The following AHCTF1 variants were observed in gnomAD, a reference collection of about 807,000 sequenced individuals.
The protein encoded by AHCTF1 is protein ELYS.
Under a neutral mutation model 248.4 loss-of-function variants are expected in AHCTF1, and 24 were observed. The ratio of observed to expected loss-of-function variants is 0.10; its 90% CI spans 0.07 to 0.14. AHCTF1 has a LOEUF of 0.14. AHCTF1 is among the 10% of genes least tolerant of loss of function. The probability of loss-of-function intolerance (pLI) is 1.00; values close to 1 mark genes in which losing one functional copy is unlikely to be tolerated. For missense variants in AHCTF1, 2,206 were observed against 2,636.2 expected (o/e 0.84, Z 3.57); for synonymous variants, 786 against 929.8 (o/e 0.85, Z 2.81).
chr1:246,844,040 A>C, intron 33 of AHCTF1, 112 bp from the exon 34 acceptor site: 1 of 703,848 alleles, frequency 1.4e-6, no homozygotes. Context: ...AAACGTCCCC[A>C]AACCTGGAAA....
intron 20 of AHCTF1, 146 bp from the exon 21 acceptor site, chr1:246,885,826 T>A: frequency 1.4e-6 from 1 of 722,834 alleles, no homozygotes; most frequent in Non-Finnish European, 2.2e-6. Context: ...CTGTGCTATA[T>A]AGAGTTGGCT....
At position 246,850,589 on chromosome 1, in the gene AHCTF1, G is replaced by A. The variant is rs772892565; in HGVS notation, c.5417C>T (p.Ser1806Phe). Reference sequence around the variant, plus strand: ...TCTCCTTCCTCTCCTAGGCGTAACAGAATTTTGAGGTATTTGCTGGTTCTG... The same window carrying A: ...TCTCCTTCCTCTCCTAGGCGTAACAAAATTTTGAGGTATTTGCTGGTTCTG... ...LSQNQQIPQN[S>F]VTPRRGRRKK... is the part of the protein sequence containing the mutation. Residue 1806 changes from serine to phenylalanine, a missense_variant, in exon 33 of 36, where the codon TCT becomes TTT. Physicochemically the swap from Ser to Phe is radical, Grantham distance 155 (BLOSUM62 -2). Coordinates refer to ENST00000648844, the MANE Select transcript of AHCTF1 (RefSeq NM_001323342.2). 16 of 1,612,866 alleles carry A rather than the reference G, an allele frequency of 9.9e-6. No individual in the cohort carries two copies. In the African/African-American group the frequency reaches 2.0e-4, roughly 20 times the overall value.
intron 30 of AHCTF1, 151 bp downstream of exon 30, chr1:246,857,540 A>G (rs1661192731): frequency 1.2e-6 from 1 of 842,530 alleles, no homozygotes; most frequent in Non-Finnish European, 1.8e-6. Flanking sequence ...ATAACTGCAC[A>G]ACTAAACTTC....
At position 246,850,196 on chromosome 1, in the gene AHCTF1, C is replaced by G. The variant is rs1359212631; in HGVS notation, c.5810G>C (p.Arg1937Thr). 1.2e-6 allele frequency: 2 copies of G among 1,613,808 alleles called. No individual in the cohort carries two copies. The highest frequency in any genetic ancestry group is 2.2e-5 in the East Asian group (1 of 44,886). ...DKQLRIKHVR[R>T]VRGREVSPSD... ...TGGACTAACTTCTCTCCCTCTGACC[C>G]TTCTAACATGTTTAATACGCAGCTG... The change falls in exon 33 of 36, where the codon AGG (arginine) becomes ACG (threonine). Residue 1937 changes from arginine to threonine, a missense_variant. Arg to Thr is a moderately conservative substitution (Grantham distance 71, BLOSUM62 -1). Around this residue, in one of 6 missense-constraint regions of AHCTF1, gnomAD observed 469 missense variants for 470.0 expected, o/e 1.00. Coordinates refer to ENST00000648844, the MANE Select transcript of AHCTF1 (RefSeq NM_001323342.2).
intron 5 of AHCTF1, 64 bp downstream of exon 5, chr1:246,907,487 A>G: frequency 7.2e-7 from 1 of 1,387,146 alleles, no homozygotes; most frequent in Non-Finnish European, 9.9e-7. Flanking sequence ...ATATTAGTAA[A>G]TGAGTACAAG....
At chr1:246,855,647 GATT>G (rs2103053686) in intron 31 of AHCTF1, 80 bp downstream of exon 31, 1 of 1,080,362 alleles carries the variant, frequency 9.3e-7, no homozygotes, top group Non-Finnish European at 1.4e-6. Flanking sequence ...TAACACAATA[GATT>G]ATTTTGTTCT....
chr1:246,918,118 A>G, intron 2 of AHCTF1, 132 bp downstream of exon 2: 1 of 711,542 alleles, frequency 1.4e-6, no homozygotes, highest in Admixed American at 3.9e-5. Flanking sequence ...ATGTAACTGT[A>G]GATGTTACAT....
chr1:246,842,079 C>T (rs912306327), intron 35 of AHCTF1, among the ~76,000 whole-genome samples: 3 of 151,940 alleles, frequency 2.0e-5, no homozygotes, highest in Non-Finnish European at 2.9e-5. Flanking sequence ...AGGCGTGAGC[C>T]ACCACGCCCG....
Position 246,839,372 on chromosome 1 carries a change from T to C in AHCTF1, c.*1434A>G, listed in dbSNP as rs1355933884. The C allele has an allele frequency of 5.0e-6, 1 of 199,172 alleles. No homozygotes were observed. The highest frequency in any genetic ancestry group is 1.9e-4 in the East Asian group (1 of 5,390). 12.3% of individuals were successfully genotyped at this position (199,172 alleles called of 1,614,324 possible). The stretch of plus-strand genomic sequence containing the variant: ...CGCAAAGGAATTGTTTACTGAATTA[T>C]GTTTAGCTCTTTATTCATTTAACAA... On this transcript the variant is annotated 3_prime_UTR_variant, in exon 36 of 36. Transcript: ENST00000648844.
At position 246,839,707 on chromosome 1, in the gene AHCTF1, AATT is replaced by A. The variant is rs146740751; in HGVS notation, c.*1096_*1098del. Reference sequence around the variant, plus strand: ...GAAAGCAGTTCGTTTCTAGATAATCAATTATTAATAGTCCATTCATTACACACT... The same window carrying A: ...GAAAGCAGTTCGTTTCTAGATAATCAATTAATAGTCCATTCATTACACACT... On this transcript the variant is annotated 3_prime_UTR_variant, in exon 36 of 36. Coordinates refer to ENST00000648844, the MANE Select transcript of AHCTF1 (RefSeq NM_001323342.2). 6,068 of 229,082 alleles carry A rather than the reference AATT, an allele frequency of 0.026. 373 individuals carry two copies. The highest frequency in any genetic ancestry group is 0.13 in the African/African-American group (5,735 of 42,854). 14.2% of individuals were successfully genotyped at this position (229,082 alleles called of 1,614,324 possible). A position where few individuals can be genotyped will look rare whatever the true frequency, so the allele number is the denominator to read the frequency against.
chr1:246,880,330 C>G (rs1297925187), intron 21 of AHCTF1, among the ~76,000 whole-genome samples: 1 of 151,528 alleles, frequency 6.6e-6, no homozygotes, highest in South Asian at 2.1e-4. Flanking sequence ...TTTGGGAGCC[C>G]GAGGCGGGCA....
At chr1:246,892,330 T>C (rs1304565954) in intron 14 of AHCTF1, among the ~76,000 whole-genome samples, 1 of 89,718 alleles carries the variant, frequency 1.1e-5, no homozygotes, top group African/African-American at 5.3e-5. Flanking sequence ...TTTTTTTTTT[T>C]TGGAGACAGC....
intron 27 of AHCTF1, among the ~76,000 whole-genome samples, chr1:246,862,770 C>G (rs1436329884): frequency 6.6e-6 from 1 of 152,094 alleles, no homozygotes; most frequent in Non-Finnish European, 1.5e-5. Context: ...TTACAGAAAA[C>G]TACAGTAAGA....
chr1:246,910,116 C>T (rs558702869), intron 4 of AHCTF1, among the ~76,000 whole-genome samples: 4 of 152,292 alleles, frequency 2.6e-5, no homozygotes, highest in Admixed American at 6.5e-5. Context: ...AAATACTAAA[C>T]CTTCATCTAT....
At chr1:246,866,279 C>T (rs933591525) in intron 26 of AHCTF1, among the ~76,000 whole-genome samples, 5 of 152,042 alleles carry the variant, frequency 3.3e-5, no homozygotes, top group African/African-American at 1.2e-4. Flanking sequence ...CCCGCAACCT[C>T]AGAGCCATTA....
intron 1 of AHCTF1, among the ~76,000 whole-genome samples, chr1:246,928,661 G>A (rs147232579): frequency 6.6e-4 from 101 of 152,308 alleles, no homozygotes; most frequent in Admixed American, 2.2e-3. Context: ...TCAGTTTTCT[G>A]TGTGAAATAC....
At position 246,905,327 on chromosome 1, in the gene AHCTF1, G is replaced by A. The variant is rs1017710185; in HGVS notation, c.881+214C>T. Among the ~76,000 whole-genome samples the A allele has an allele frequency of 5.9e-5, 9 of 152,174 alleles. No individual in the cohort carries two copies. In the East Asian group the frequency reaches 7.7e-4, roughly 13 times the overall value. ...AGCCTGGCCAACATGGTGAAACCCC[G>A]TCTCTACTGAAAATATAAAAATTAG... On this transcript the variant is annotated intron_variant, in intron 6 of 35. Coordinates refer to ENST00000648844, the MANE Select transcript of AHCTF1 (RefSeq NM_001323342.2).
chr1:246,930,590 A>G (rs928356732), intron 1 of AHCTF1, among the ~76,000 whole-genome samples: 4 of 143,264 alleles, frequency 2.8e-5, no homozygotes, highest in African/African-American at 9.9e-5. Context: ...ACAGTTTAAA[A>G]AAAAAAAAGG....
At chr1:246,890,880 C>T in intron 16 of AHCTF1, 76 bp downstream of exon 16, 1 of 942,426 alleles carries the variant, frequency 1.1e-6, no homozygotes, top group South Asian at 3.0e-5. Flanking sequence ...AAACCCAAAG[C>T]ATTAGAATAC....
Sources: allele counts gnomAD v4.1 joint callset (sites outside exome capture counted in the v4.1 genomes callset), GRCh38; gene constraint gnomAD v4.1.1; regional missense constraint gnomAD v4.1.1; transcripts MANE v1.5; gene names NCBI Gene and HGNC (gene_info 2026-07-23, HGNC 2026-07-21).